ATXN8OS: variants seen among roughly 807,000 people sequenced by gnomAD.
The protein encoded by ATXN8OS is ATXN8 opposite strand (non-protein coding).
chr13:70,143,450 A>G (rs982724564), intron 3 of ATXN8OS, among the ~76,000 whole-genome samples: 1 of 152,030 alleles, frequency 6.6e-6, no homozygotes, highest in Admixed American at 6.6e-5. Context: ...CGATTTCTCT[A>G]CCTCTGCTGG....
chr13:70,109,744 C>A (rs1259782825), intron 1 of ATXN8OS, among the ~76,000 whole-genome samples: 1 of 152,084 alleles, frequency 6.6e-6, no homozygotes, highest in Non-Finnish European at 1.5e-5. Flanking sequence ...ACAATGGTGA[C>A]AGATCATTTT....
chr13:70,155,266 A>T (rs1306378550), intron 4 of ATXN8OS, among the ~76,000 whole-genome samples: 1 of 152,186 alleles, frequency 6.6e-6, no homozygotes, highest in Non-Finnish European at 1.5e-5. Context: ...AGTTTCTGCT[A>T]TCTTCTCAGC....
exon 5 of ATXN8OS, among the ~76,000 whole-genome samples, chr13:70,171,015 T>G (rs114745369): frequency 0.02 from 3,007 of 152,250 alleles, 97 homozygotes; most frequent in African/African-American, 0.068. Flanking sequence ...TACACCTGTA[T>G]AGGGCACTGT....
intron 4 of ATXN8OS, among the ~76,000 whole-genome samples, chr13:70,157,657 C>A (rs940551688): frequency 2.0e-5 from 3 of 152,014 alleles, no homozygotes; most frequent in African/African-American, 7.2e-5. Context: ...CGCAGCTTAA[C>A]ACATAGTTGG....
intron 4 of ATXN8OS, among the ~76,000 whole-genome samples, chr13:70,168,106 G>A (rs755811495): frequency 1.3e-5 from 2 of 151,816 alleles, no homozygotes; most frequent in Non-Finnish European, 2.9e-5. Flanking sequence ...TACTTTTTTT[G>A]TTCTTTGCTG....
chr13:70,139,351 T>TTACTACTACTAC lies in ATXN8OS; in HGVS notation n.500-7981_500-7970dup, dbSNP rs375568204. 3.7e-3 allele frequency: 2,016 copies of TTACTACTACTAC among 548,106 alleles called. 6 individuals are homozygous for TTACTACTACTAC. Among genetic ancestry groups the TTACTACTACTAC allele is most frequent in the Admixed American group, 5.3e-3 (180 of 34,100 alleles). 34.0% of individuals were successfully genotyped at this position (548,106 alleles called of 1,614,324 possible). A position where few individuals can be genotyped will look rare whatever the true frequency, so the allele number is the denominator to read the frequency against. ...GTCCTTCATGTTAGAAAACCTGGCT[T>TTACTACTACTAC]TACTACTACTACTACTACTACTACT... On this transcript the variant is annotated intron_variant and non_coding_transcript_variant, in intron 3 of 4. Transcript: ENST00000678624.
intron 3 of ATXN8OS, among the ~76,000 whole-genome samples, chr13:70,133,043 G>A (rs1201031485): frequency 6.6e-6 from 1 of 152,124 alleles, no homozygotes; most frequent in East Asian, 1.9e-4. Context: ...GCATTGATCA[G>A]TAATCAATCA....
At chr13:70,155,814 G>GA (rs886863116) in intron 4 of ATXN8OS, among the ~76,000 whole-genome samples, 4 of 143,444 alleles carry the variant, frequency 2.8e-5, no homozygotes, top group African/African-American at 1.1e-4. Context: ...AAAATGAAAA[G>GA]AAAAAAAGGA....
At chr13:70,150,632 T>C (rs1888853940) in intron 4 of ATXN8OS, among the ~76,000 whole-genome samples, 1 of 152,096 alleles carries the variant, frequency 6.6e-6, no homozygotes, top group Non-Finnish European at 1.5e-5. Context: ...CCCAATTTGA[T>C]GTAAATACTC....
At chr13:70,144,447 A>T (rs1011672133) in intron 3 of ATXN8OS, among the ~76,000 whole-genome samples, 2 of 152,140 alleles carry the variant, frequency 1.3e-5, no homozygotes, top group Non-Finnish European at 2.9e-5. Context: ...TAGAAGTTGC[A>T]AAGTGTCTAT....
chr13:70,129,100 T>C (rs969327126), intron 2 of ATXN8OS, among the ~76,000 whole-genome samples: 3 of 152,116 alleles, frequency 2.0e-5, no homozygotes, highest in African/African-American at 7.2e-5. Flanking sequence ...CCTCAGACGA[T>C]CCACCTGCCT....
At chr13:70,168,878 G>A (rs1889110408) in intron 4 of ATXN8OS, among the ~76,000 whole-genome samples, 1 of 151,910 alleles carries the variant, frequency 6.6e-6, no homozygotes, top group Non-Finnish European at 1.5e-5. Context: ...TTGTTAGTAT[G>A]GATTTATTTT....
chr13:70,167,395 C>G lies in ATXN8OS; in HGVS notation n.574-2358C>G, dbSNP rs369910354. Among the ~76,000 whole-genome samples the G allele has an allele frequency of 3.9e-5, 6 of 152,060 alleles. No individual in the cohort carries two copies. The East Asian group carries it at 7.7e-4, about 20-fold the overall frequency. ...TGAAACTGGAAACCATCATTCTCAGCAAACCATGGCAAGGAAAAAAAACCA... is the reference window on the plus strand; with the variant it reads ...TGAAACTGGAAACCATCATTCTCAGGAAACCATGGCAAGGAAAAAAAACCA... On this transcript the variant is annotated intron_variant and non_coding_transcript_variant, in intron 4 of 4. Transcript: ENST00000678624.
intron 3 of ATXN8OS, among the ~76,000 whole-genome samples, chr13:70,145,828 A>T (rs1432364006): frequency 6.6e-6 from 1 of 151,380 alleles, no homozygotes; most frequent in African/African-American, 2.4e-5. Context: ...AACGTTGGCA[A>T]TACCATTCAG....
intron 4 of ATXN8OS, among the ~76,000 whole-genome samples, chr13:70,151,254 T>A (rs1337787314): frequency 6.6e-6 from 1 of 152,156 alleles, no homozygotes; most frequent in Non-Finnish European, 1.5e-5. Context: ...AAATTATTTA[T>A]CTTGTAGAAC....
At chr13:70,137,167 A>C (rs184909412) in intron 3 of ATXN8OS, among the ~76,000 whole-genome samples, 1 of 152,324 alleles carries the variant, frequency 6.6e-6, no homozygotes, top group Admixed American at 6.5e-5. Flanking sequence ...AATAATCATT[A>C]ATAGTCACTG....
chr13:70,121,567 ATTCAGTAACAAGG>A (rs1888360683), intron 2 of ATXN8OS, among the ~76,000 whole-genome samples: 1 of 152,158 alleles, frequency 6.6e-6, no homozygotes, highest in Admixed American at 6.6e-5. Context: ...GCCAAGAATC[ATTCAGTAACAAGG>A]TTCAGAAATA....
At chr13:70,170,627 A>G (rs1889133559) in exon 5 of ATXN8OS, among the ~76,000 whole-genome samples, 2 of 152,176 alleles carry the variant, frequency 1.3e-5, no homozygotes, top group African/African-American at 4.8e-5. Flanking sequence ...AATTCCAGAA[A>G]GCTGCAGGTT....
At chr13:70,170,961 T>C (rs928161912) in exon 5 of ATXN8OS, among the ~76,000 whole-genome samples, 3 of 152,024 alleles carry the variant, frequency 2.0e-5, no homozygotes, top group African/African-American at 7.2e-5. Flanking sequence ...TATGTAAACA[T>C]AGAGGAAGTA....
Sources: allele counts gnomAD v4.1 joint callset (sites outside exome capture counted in the v4.1 genomes callset), GRCh38; gene constraint gnomAD v4.1.1; transcripts MANE v1.5; gene names NCBI Gene and HGNC (gene_info 2026-07-23, HGNC 2026-07-21).